The following RTF1 variants were observed in gnomAD, a reference collection of about 807,000 sequenced individuals.
RTF1 encodes RTF1 homolog, Paf1/RNA polymerase II complex component.
RTF1 carries 10 observed loss-of-function variants against 95.7 expected under a neutral mutation model. That is an observed-to-expected ratio of 0.10 (90% confidence interval 0.06 to 0.18). The LOEUF is 0.18. RTF1 is among the 10% of genes least tolerant of loss of function. The probability of loss-of-function intolerance (pLI) is 1.00; values close to 1 mark genes in which losing one functional copy is unlikely to be tolerated. For synonymous variants in RTF1, 305 were observed against 311.8 expected (o/e 0.98, Z 0.23); for missense variants, 458 against 875.6 (o/e 0.52, Z 6.02).
chr15:41,437,235 T>C lies in RTF1; in HGVS notation c.199-1086T>C, dbSNP rs145791307. On this transcript the variant is annotated intron_variant, in intron 1 of 17. Coordinates refer to ENST00000389629, the MANE Select transcript of RTF1 (RefSeq NM_015138.5). ...ATTGGGCCGGGTGTGGGGGCTCACATCTGTAATCCCAGCACTTTGGGATGC... is the reference window on the plus strand; with the variant it reads ...ATTGGGCCGGGTGTGGGGGCTCACACCTGTAATCCCAGCACTTTGGGATGC... 2.5e-3 allele frequency among the ~76,000 whole-genome samples: 374 copies of C among 150,290 alleles called. 1 individual carries two copies. The highest frequency in any genetic ancestry group is 8.7e-3 in the African/African-American group (355 of 40,938).
intron 2 of RTF1, among the ~76,000 whole-genome samples, chr15:41,452,045 A>T (rs2050791642): frequency 6.6e-6 from 1 of 152,174 alleles, no homozygotes; most frequent in African/African-American, 2.4e-5. Flanking sequence ...AAAAAAAGAA[A>T]AAATAATAAT....
At chr15:41,441,000 C>T (rs1447668807) in intron 2 of RTF1, among the ~76,000 whole-genome samples, 1 of 116,402 alleles carries the variant, frequency 8.6e-6, no homozygotes, top group Non-Finnish European at 1.7e-5. Flanking sequence ...GAGACGGAGT[C>T]TCACTCTGTC....
chr15:41,427,192 C>CCCAGG (rs2050639674), intron 1 of RTF1, among the ~76,000 whole-genome samples: 1 of 141,558 alleles, frequency 7.1e-6, no homozygotes, highest in Non-Finnish European at 1.5e-5. Context: ...TGCTCTGTTG[C>CCCAGG]CCAGGCCGGA....
At chr15:41,463,627 A>G (rs983607237) in intron 4 of RTF1, among the ~76,000 whole-genome samples, 14 of 152,170 alleles carry the variant, frequency 9.2e-5, no homozygotes, top group Middle Eastern at 3.4e-3. Flanking sequence ...GACTACAAGC[A>G]TGTACCACCA....
intron 14 of RTF1, 54 bp from the exon 15 acceptor site, chr15:41,478,494 G>A (rs1278635832): frequency 4.5e-6 from 6 of 1,320,068 alleles, no homozygotes; most frequent in Non-Finnish European, 6.6e-6. Flanking sequence ...AGCTTATGGT[G>A]AATGAGAGGA....
At position 41,445,035 on chromosome 15, in the gene RTF1, C is replaced by T. The variant is rs915406624; in HGVS notation, c.309+6604C>T. Among the ~76,000 whole-genome samples the T allele has an allele frequency of 7.9e-5, 12 of 152,118 alleles. No homozygotes were observed. In the Middle Eastern group the frequency reaches 0.014, roughly 172 times the overall value. On this transcript the variant is annotated intron_variant, in intron 2 of 17. Coordinates refer to ENST00000389629, the MANE Select transcript of RTF1 (RefSeq NM_015138.5). ...CAAGCTCCACCTCCCGGATTCACGC[C>T]GTTCTCCTGCCTCAGCCTCCCTAGT... is the stretch of plus-strand genomic sequence containing the variant.
chr15:41,423,298 TG>T (rs538255491), intron 1 of RTF1, among the ~76,000 whole-genome samples: 49 of 152,328 alleles, frequency 3.2e-4, no homozygotes, highest in Middle Eastern at 3.4e-3. Context: ...ATTTGTGTCA[TG>T]TTGCATCTAG....
chr15:41,436,884 C>A (rs1202105911), intron 1 of RTF1, among the ~76,000 whole-genome samples: 1 of 151,814 alleles, frequency 6.6e-6, no homozygotes, highest in Non-Finnish European at 1.5e-5. Flanking sequence ...GTCAGGAGAT[C>A]GAGACCATCC....
At chr15:41,472,724 C>T (rs1384644727) in intron 8 of RTF1, among the ~76,000 whole-genome samples, 2 of 144,330 alleles carry the variant, frequency 1.4e-5, no homozygotes, top group Admixed American at 7.0e-5. Context: ...TTTTTTTAGA[C>T]GGAGTCTCGC....
chr15:41,476,604 G>A, intron 12 of RTF1, 81 bp downstream of exon 12: 1 of 1,306,962 alleles, frequency 7.7e-7, no homozygotes. Flanking sequence ...TGCCAAGTTA[G>A]TGGTGGTAGG....
chr15:41,471,127 T>C (rs981529246), intron 7 of RTF1, 45 bp from the exon 8 acceptor site: 3 of 1,539,602 alleles, frequency 1.9e-6, no homozygotes, highest in Non-Finnish European at 2.6e-6. Context: ...TCTTGTTCTG[T>C]TTTTATGATG....
At chr15:41,450,477 C>G (rs746612883) in intron 2 of RTF1, among the ~76,000 whole-genome samples, 1 of 151,394 alleles carries the variant, frequency 6.6e-6, no homozygotes, top group Non-Finnish European at 1.5e-5. Flanking sequence ...CCCAGCTACT[C>G]GGGAGGCTGA....
chr15:41,429,718 C>A (rs1318535653), intron 1 of RTF1, among the ~76,000 whole-genome samples: 1 of 152,120 alleles, frequency 6.6e-6, no homozygotes, highest in Non-Finnish European at 1.5e-5. Flanking sequence ...GCTGTTCCAT[C>A]TGAAGGCCTC....
At chr15:41,468,674 A>G (rs1043517195) in intron 6 of RTF1, among the ~76,000 whole-genome samples, 1 of 152,154 alleles carries the variant, frequency 6.6e-6, no homozygotes, top group Non-Finnish European at 1.5e-5. Context: ...TTGAACAGGA[A>G]AGGCAAGATA....
intron 2 of RTF1, among the ~76,000 whole-genome samples, chr15:41,438,637 G>C (rs1376418468): frequency 6.6e-6 from 1 of 152,092 alleles, no homozygotes; most frequent in Non-Finnish European, 1.5e-5. Flanking sequence ...GAGGTGGGTG[G>C]ATCACCTGAG....
chr15:41,460,115 GTTTTTGTTTTTT>G (rs1361855072), intron 4 of RTF1, among the ~76,000 whole-genome samples: 1 of 61,144 alleles, frequency 1.6e-5, no homozygotes, highest in African/African-American at 1.1e-4. Flanking sequence ...TTTTGTTTTT[GTTTTTGTTTTTT>G]TTTTTTTTTT....
intron 4 of RTF1, among the ~76,000 whole-genome samples, chr15:41,463,898 C>A (rs2050865750): frequency 6.6e-6 from 1 of 152,054 alleles, no homozygotes; most frequent in African/African-American, 2.4e-5. Flanking sequence ...TGTCGCCAGG[C>A]TGGAGTGCAG....
chr15:41,431,267 T>TC (rs1050147831), intron 1 of RTF1, among the ~76,000 whole-genome samples: 19 of 148,482 alleles, frequency 1.3e-4, no homozygotes, highest in African/African-American at 4.7e-4. Flanking sequence ...CAGGCTAGAG[T>TC]GCAGTGGTGC....
chr15:41,430,303 C>T (rs2140947669), intron 1 of RTF1, among the ~76,000 whole-genome samples: 1 of 151,502 alleles, frequency 6.6e-6, no homozygotes, highest in East Asian at 2.0e-4. Flanking sequence ...AAGCGATTCT[C>T]CAGCCTCAGC....
Sources: allele counts gnomAD v4.1 joint callset (sites outside exome capture counted in the v4.1 genomes callset), GRCh38; gene constraint gnomAD v4.1.1; transcripts MANE v1.5; gene names NCBI Gene and HGNC (gene_info 2026-07-23, HGNC 2026-07-21).